Variants in NELL1 observed in about 807,000 individuals in gnomAD.
The protein encoded by NELL1 is protein kinase C-binding protein NELL1.
NELL1 carries 76 observed loss-of-function variants against 107.4 expected under a neutral mutation model. The observed-to-expected ratio is 0.71, with a 90% CI of 0.59 to 0.86. NELL1 has a LOEUF of 0.86. Ranked by LOEUF, NELL1 falls within the 40% of genes least tolerant of loss-of-function variation. NELL1 has a pLI of 0.00. For missense variants in NELL1, 1,024 were observed against 1,005.5 expected, an observed-to-expected ratio of 1.02 and a Z score of -0.25; for synonymous variants, 353 against 341.2, an observed-to-expected ratio of 1.03 and a Z score of -0.38.
chr11:21,269,377 C>A (rs1197593294), intron 14 of NELL1, among the ~76,000 whole-genome samples: 1 of 149,822 alleles, frequency 6.7e-6, no homozygotes, highest in Non-Finnish European at 1.5e-5. Flanking sequence ...CTCTCTCTCT[C>A]ACACACACAC....
At chr11:20,985,933 C>T (rs1851843409) in intron 12 of NELL1, among the ~76,000 whole-genome samples, 1 of 152,228 alleles carries the variant, frequency 6.6e-6, no homozygotes, top group South Asian at 2.1e-4. Flanking sequence ...CTACTGCTGT[C>T]ACTGTCTTGT....
chr11:20,931,611 T>A (rs1482100669), intron 9 of NELL1, among the ~76,000 whole-genome samples: 1 of 152,112 alleles, frequency 6.6e-6, no homozygotes, highest in Non-Finnish European at 1.5e-5. Context: ...AAAAATTGTA[T>A]CTTGTATGAA....
At chr11:21,399,045 G>GA (rs11450238) in intron 15 of NELL1, among the ~76,000 whole-genome samples, 85,420 of 149,808 alleles carry the variant, frequency 0.57, 24,520 homozygotes, top group Middle Eastern at 0.63. Context: ...TCTGAAGAAA[G>GA]AAAAAAAAAA....
At chr11:20,739,758 AG>A (rs1214598955) in intron 2 of NELL1, among the ~76,000 whole-genome samples, 2 of 152,200 alleles carry the variant, frequency 1.3e-5, no homozygotes, top group South Asian at 2.1e-4. Context: ...CACTTTCTGC[AG>A]GGTTCACAAG....
chr11:21,168,575 T>G (rs1252330667), intron 13 of NELL1, among the ~76,000 whole-genome samples: 1 of 151,828 alleles, frequency 6.6e-6, no homozygotes, highest in Non-Finnish European at 1.5e-5. Flanking sequence ...TGGTCCAGTT[T>G]GTCTGTTTTC....
At chr11:20,799,710 G>A (rs1321382150) in intron 3 of NELL1, among the ~76,000 whole-genome samples, 2 of 152,124 alleles carry the variant, frequency 1.3e-5, no homozygotes, top group Non-Finnish European at 2.9e-5. Flanking sequence ...TAGATTCAGG[G>A]AGTACATGCA....
chr11:21,162,115 T>C (rs983274894), intron 13 of NELL1, among the ~76,000 whole-genome samples: 3 of 151,992 alleles, frequency 2.0e-5, no homozygotes, highest in Non-Finnish European at 2.9e-5. Flanking sequence ...CAGGCCCAGC[T>C]AAGTTTTGTA....
intron 11 of NELL1, among the ~76,000 whole-genome samples, chr11:20,958,446 TA>T (rs1206606872): frequency 6.6e-6 from 1 of 151,672 alleles, no homozygotes; most frequent in Non-Finnish European, 1.5e-5. Flanking sequence ...AACACACAAA[TA>T]AAAAAGATCT....
intron 14 of NELL1, among the ~76,000 whole-genome samples, chr11:21,283,489 A>G (rs1381202920): frequency 1.3e-5 from 2 of 152,192 alleles, no homozygotes; most frequent in African/African-American, 4.8e-5. Flanking sequence ...TCTAAAAATA[A>G]AGTCTGTGTT....
chr11:20,983,731 T>G (rs1386003655), intron 12 of NELL1, among the ~76,000 whole-genome samples: 6 of 152,154 alleles, frequency 3.9e-5, no homozygotes, highest in African/African-American at 1.4e-4. Flanking sequence ...CCTCTTCACT[T>G]CCTTCATTCT....
At chr11:21,328,272 G>T (rs2133680871) in intron 14 of NELL1, among the ~76,000 whole-genome samples, 1 of 151,676 alleles carries the variant, frequency 6.6e-6, no homozygotes, top group African/African-American at 2.4e-5. Context: ...TTGTAGCCAG[G>T]GCTAAAAGGG....
intron 13 of NELL1, among the ~76,000 whole-genome samples, chr11:21,142,165 C>T (rs1290556447): frequency 1.3e-5 from 2 of 152,186 alleles, no homozygotes; most frequent in Non-Finnish European, 2.9e-5. Context: ...TCTCTTCCAT[C>T]CCTATAAAAT....
chr11:21,554,694 C>T (rs1302602836), intron 16 of NELL1, among the ~76,000 whole-genome samples: 1 of 151,788 alleles, frequency 6.6e-6, no homozygotes, highest in Non-Finnish European at 1.5e-5. Flanking sequence ...TATGTATTTA[C>T]CCAAATGATT....
At chr11:21,560,457 C>T (rs929123713) in intron 17 of NELL1, 75 bp downstream of exon 17, 1 of 1,297,486 alleles carries the variant, frequency 7.7e-7, no homozygotes, top group South Asian at 1.5e-5. Flanking sequence ...CTCCCCAGCT[C>T]TCTCCCTCTT....
chr11:21,230,553 C>T (rs1268229043), intron 14 of NELL1, among the ~76,000 whole-genome samples: 2 of 152,122 alleles, frequency 1.3e-5, no homozygotes, highest in Admixed American at 1.3e-4. Context: ...GTATTATTAT[C>T]CTTATTTTAG....
chr11:21,548,007 A>G (rs1247901726), intron 16 of NELL1, among the ~76,000 whole-genome samples: 1 of 151,910 alleles, frequency 6.6e-6, no homozygotes, highest in Non-Finnish European at 1.5e-5. Context: ...GCGCAACTGA[A>G]ACTGGATCAT....
intron 14 of NELL1, among the ~76,000 whole-genome samples, chr11:21,318,133 G>C (rs1356884311): frequency 6.6e-6 from 1 of 152,034 alleles, no homozygotes; most frequent in Non-Finnish European, 1.5e-5. Context: ...CAGCCTATAA[G>C]GATATTAATT....
rs1396815554 is a variant in NELL1 at position 21,534,849 on chromosome 11, A to G, written c.1786+335A>G. 3.3e-5 allele frequency among the ~76,000 whole-genome samples: 5 copies of G among 152,152 alleles called. No homozygotes were observed. The East Asian group carries it at 9.7e-4, about 29-fold the overall frequency. ...TTTTGACAGTTTGGGAGGCAACTGT[A>G]GAGATGAGGAAATGTTAAATAATAC... On this transcript the variant is annotated intron_variant, in intron 16 of 19. Coordinates refer to ENST00000357134, the MANE Select transcript of NELL1 (RefSeq NM_006157.5).
chr11:21,408,625 C>A lies in NELL1; in HGVS notation c.1645+37677C>A, dbSNP rs534960493. On this transcript the variant is annotated intron_variant, in intron 15 of 19. Transcript: ENST00000357134. ...TCTCCCATTTTGTAGGTTGCCTGTT[C>A]ACTCTGATGGTAGTTTCTTTTGCTG... Among the ~76,000 whole-genome samples the A allele has an allele frequency of 9.9e-4, 151 of 152,104 alleles. 1 individual carries two copies. The Middle Eastern group carries it at 0.014, about 14-fold the overall frequency.
Sources: allele counts gnomAD v4.1 joint callset (sites outside exome capture counted in the v4.1 genomes callset), GRCh38; gene constraint gnomAD v4.1.1; transcripts MANE v1.5; gene names NCBI Gene and HGNC (gene_info 2026-07-23, HGNC 2026-07-21).